ATXN1: variants seen among roughly 807,000 people sequenced by gnomAD.
ATXN1 encodes the protein ataxin-1.
In ATXN1, 8 loss-of-function variants were observed where a neutral mutation model predicts 56.4. That is an observed-to-expected ratio of 0.14 (90% CI 0.08 to 0.26). The LOEUF (loss-of-function observed/expected upper bound fraction) is 0.26. ATXN1 is among the 10% of genes least tolerant of loss of function. The probability of loss-of-function intolerance (pLI) is 1.00; values close to 1 mark genes in which losing one functional copy is unlikely to be tolerated. For synonymous variants in ATXN1, 514 were observed against 494.6 expected (o/e 1.04, Z -0.52); for missense variants, 987 against 1,106.5 (o/e 0.89, Z 1.53).
At chr6:16,357,783 GT>G (rs1374762873) in intron 6 of ATXN1, among the ~76,000 whole-genome samples, 4 of 152,210 alleles carry the variant, frequency 2.6e-5, no homozygotes, top group Non-Finnish European at 4.4e-5. Flanking sequence ...TGGAAGCTGG[GT>G]TGAACCAAAG....
intron 6 of ATXN1, among the ~76,000 whole-genome samples, chr6:16,343,765 C>T (rs769658911): frequency 5.3e-5 from 8 of 152,096 alleles, no homozygotes; most frequent in African/African-American, 9.7e-5. Context: ...TGTGGCTTTG[C>T]GGGCCATACA....
Position 16,448,557 on chromosome 6 carries a change from A to G in ATXN1, c.-161+37415T>C, listed in dbSNP as rs180921638. ...TAACTGTATTTTTGTATCACCCATTAACTGACTTCTCTTCATCCTTGCTCA... is the reference window on the plus strand; with the variant it reads ...TAACTGTATTTTTGTATCACCCATTGACTGACTTCTCTTCATCCTTGCTCA... On this transcript the variant is annotated intron_variant, in intron 6 of 7. Coordinates refer to ENST00000436367, the MANE Select transcript of ATXN1 (RefSeq NM_001128164.2). 3.0e-3 allele frequency among the ~76,000 whole-genome samples: 456 copies of G among 152,324 alleles called. 2 individuals are homozygous for G. Among genetic ancestry groups the G allele is most frequent in the African/African-American group, 9.8e-3 (409 of 41,576 alleles).
At chr6:16,622,487 T>C (rs1405237640) in intron 3 of ATXN1, among the ~76,000 whole-genome samples, 9 of 152,180 alleles carry the variant, frequency 5.9e-5, no homozygotes, top group Admixed American at 4.6e-4. Flanking sequence ...ACAAAATTAG[T>C]ATCGAACACA....
In ATXN1 at chr6:16,381,450, A is replaced by ATT. The variant is rs1758113901; in HGVS notation, c.-160-52981_-160-52980insAA. Among the ~76,000 whole-genome samples the ATT allele has an allele frequency of 2.0e-5, 3 of 152,202 alleles. No individual in the cohort carries two copies. In the South Asian group the frequency reaches 6.2e-4, roughly 32 times the overall value. ...GGAGCATGGCCCTGCCCACACCTTGATCTCTGACTTCCAGGCCCCCCAGCT... is the reference window on the plus strand; with the variant it reads ...GGAGCATGGCCCTGCCCACACCTTGATTTCTCTGACTTCCAGGCCCCCCAGCT... On this transcript the variant is annotated intron_variant, in intron 6 of 7. Coordinates refer to ENST00000436367, the MANE Select transcript of ATXN1 (RefSeq NM_001128164.2).
chr6:16,478,621 G>A (rs1440387761), intron 6 of ATXN1, among the ~76,000 whole-genome samples: 1 of 152,198 alleles, frequency 6.6e-6, no homozygotes, highest in Non-Finnish European at 1.5e-5. Context: ...TCTTTGTTCT[G>A]CAGGGTGAGT....
chr6:16,683,281 G>A (rs778472067), intron 2 of ATXN1, among the ~76,000 whole-genome samples: 1 of 152,136 alleles, frequency 6.6e-6, no homozygotes, highest in Non-Finnish European at 1.5e-5. Flanking sequence ...GAGAAAGATG[G>A]TGCCCAATGG....
chr6:16,351,201 A>C (rs1761557670), intron 6 of ATXN1, among the ~76,000 whole-genome samples: 1 of 152,194 alleles, frequency 6.6e-6, no homozygotes. Flanking sequence ...ATTCAGCAGG[A>C]ACTTTATCAA....
chr6:16,442,486 TA>T (rs56851169), intron 6 of ATXN1, among the ~76,000 whole-genome samples: 106 of 150,242 alleles, frequency 7.1e-4, no homozygotes, highest in African/African-American at 9.5e-4. Flanking sequence ...GTATAATGAT[TA>T]AAAAAAAACA....
chr6:16,739,951 C>T, intron 2 of ATXN1: 1 of 449,430 alleles, frequency 2.2e-6, no homozygotes, highest in East Asian at 7.1e-5. Flanking sequence ...GCTACTCCAT[C>T]ACCAAGCAAA....
intron 5 of ATXN1, among the ~76,000 whole-genome samples, chr6:16,517,770 A>G (rs918546697): frequency 3.3e-5 from 5 of 152,208 alleles, no homozygotes; most frequent in Non-Finnish European, 7.3e-5. Context: ...ACTCACCTAC[A>G]TGAGAGCACA....
chr6:16,613,850 T>C (rs79077000), intron 3 of ATXN1, among the ~76,000 whole-genome samples: 2,260 of 151,940 alleles, frequency 0.015, 31 homozygotes, highest in Middle Eastern at 0.051. Flanking sequence ...ATAATATAAA[T>C]AGAAATGACA....
chr6:16,614,070 C>T (rs1016744768), intron 3 of ATXN1, among the ~76,000 whole-genome samples: 5 of 151,362 alleles, frequency 3.3e-5, no homozygotes, highest in Non-Finnish European at 5.9e-5. Context: ...GGTACCCTTC[C>T]TTTCTCTCAC....
chr6:16,381,914 T>C (rs560934411), intron 6 of ATXN1, among the ~76,000 whole-genome samples: 38 of 152,392 alleles, frequency 2.5e-4, no homozygotes, highest in Non-Finnish European at 4.1e-4. Flanking sequence ...GTTTCTATAC[T>C]GATGTATGTC....
intron 4 of ATXN1, among the ~76,000 whole-genome samples, chr6:16,523,400 G>A (rs532668595): frequency 2.0e-5 from 3 of 152,286 alleles, no homozygotes; most frequent in South Asian, 4.2e-4. Flanking sequence ...TTCAGTGACC[G>A]TGGATGGGGA....
intron 6 of ATXN1, among the ~76,000 whole-genome samples, chr6:16,444,045 G>C (rs1219528805): frequency 6.6e-6 from 1 of 151,706 alleles, no homozygotes; most frequent in Non-Finnish European, 1.5e-5. Flanking sequence ...GAACCTGGGA[G>C]GTGGAGCTTG....
intron 2 of ATXN1, among the ~76,000 whole-genome samples, chr6:16,685,099 T>C (rs1758890945): frequency 1.3e-5 from 2 of 152,260 alleles, no homozygotes; most frequent in South Asian, 2.1e-4. Context: ...AAATTACTTG[T>C]TACTTACTAT....
chr6:16,579,486 C>T lies in ATXN1; in HGVS notation c.-361+6294G>A, dbSNP rs1218255878. On this transcript the variant is annotated intron_variant, in intron 4 of 7. Transcript: ENST00000436367. ...ACTGAGTACCTTGGTCAAAGCCCCC[C>T]CCCCCCACCCGCCGATTCATTCCCA... 1.0e-4 allele frequency among the ~76,000 whole-genome samples: 6 copies of T among 58,248 alleles called. 2 individuals carry two copies. The highest frequency in any genetic ancestry group is 2.2e-4 in the African/African-American group (6 of 27,060). The allele number at this position is 58,248 out of a possible 152,430, so 38.2% of individuals were successfully genotyped here. A position where few individuals can be genotyped will look rare whatever the true frequency, so the allele number is the denominator to read the frequency against.
At chr6:16,669,964 G>C (rs1414192705) in intron 2 of ATXN1, among the ~76,000 whole-genome samples, 1 of 152,030 alleles carries the variant, frequency 6.6e-6, no homozygotes, top group Non-Finnish European at 1.5e-5. Context: ...CACCACTGAA[G>C]CTGACCACCC....
intron 5 of ATXN1, among the ~76,000 whole-genome samples, chr6:16,515,008 TA>T (rs1204849521): frequency 1.3e-5 from 2 of 151,264 alleles, no homozygotes; most frequent in African/African-American, 2.4e-5. Context: ...TAATAATTAA[TA>T]ATAATAATAT....
Sources: gnomAD v4.1 joint callset for allele counts (sites outside exome capture counted in the v4.1 genomes callset) on GRCh38, gnomAD v4.1.1 for gene constraint, MANE v1.5 for transcripts, NCBI Gene and HGNC (gene_info 2026-07-23, HGNC 2026-07-21) for gene names.